The following KCNAB1 variants were observed in gnomAD, a reference collection of about 807,000 sequenced individuals.
The protein encoded by KCNAB1 is voltage-gated potassium channel subunit beta-1.
KCNAB1 carries 35 observed loss-of-function variants against 64.6 expected under a neutral mutation model. The ratio of observed to expected loss-of-function variants is 0.54; its 90% CI spans 0.41 to 0.72. KCNAB1 has a LOEUF of 0.72. Among genes scored for constraint, KCNAB1 ranks in the 30% least tolerant of loss-of-function variants. The probability of loss-of-function intolerance (pLI) is 0.00; values close to 1 mark genes in which losing one functional copy is unlikely to be tolerated. For synonymous variants in KCNAB1, 177 were observed against 183.8 expected, an observed-to-expected ratio of 0.96 and a Z score of 0.30; for missense variants, 401 against 512.9, an observed-to-expected ratio of 0.78 and a Z score of 2.11.
chr3:156,396,879 T>C (rs1713501875), intron 1 of KCNAB1, among the ~76,000 whole-genome samples: 1 of 152,246 alleles, frequency 6.6e-6, no homozygotes, highest in South Asian at 2.1e-4. Context: ...CATAACCAGT[T>C]ACTTCAGTTC....
intron 2 of KCNAB1, 111 bp downstream of exon 2, chr3:156,421,770 C>T: frequency 1.1e-6 from 1 of 873,114 alleles, no homozygotes; most frequent in Non-Finnish European, 1.8e-6. Flanking sequence ...GAGGAGGAGG[C>T]TTCCTGGCCA....
Position 156,218,733 on chromosome 3 carries a change from G to A in KCNAB1, c.275+97847G>A, listed in dbSNP as rs140446275. ...TCACAGGACTCTTTGCAGACACTCC[G>A]CAGTACCAGCCTGGAGTCCCATAGC... On this transcript the variant is annotated intron_variant, in intron 1 of 13. Transcript: ENST00000490337. 9.2e-3 allele frequency among the ~76,000 whole-genome samples: 1,315 copies of A among 142,784 alleles called. 19 individuals carry two copies. Among genetic ancestry groups the A allele is most frequent in the African/African-American group, 0.032 (1,233 of 38,030 alleles). 93.7% of individuals were successfully genotyped at this position (142,784 alleles called of 152,430 possible). A position where few individuals can be genotyped will look rare whatever the true frequency, so the allele number is the denominator to read the frequency against.
At chr3:156,224,066 C>T (rs866836842) in intron 1 of KCNAB1, among the ~76,000 whole-genome samples, 1 of 152,204 alleles carries the variant, frequency 6.6e-6, no homozygotes, top group Non-Finnish European at 1.5e-5. Context: ...AGCCCTGCCC[C>T]GTGGGGAGGC....
chr3:156,499,371 A>T (rs1716225412), intron 8 of KCNAB1, among the ~76,000 whole-genome samples: 1 of 152,176 alleles, frequency 6.6e-6, no homozygotes. Flanking sequence ...TAGGACCCTC[A>T]GTTTTTTAGG....
chr3:156,348,953 A>G (rs1206724083), intron 1 of KCNAB1, among the ~76,000 whole-genome samples: 1 of 152,214 alleles, frequency 6.6e-6, no homozygotes, highest in East Asian at 1.9e-4. Context: ...GTACCTGAAC[A>G]CAGAATGGCT....
chr3:156,170,863 T>G (rs1409716590), intron 1 of KCNAB1, among the ~76,000 whole-genome samples: 1 of 152,220 alleles, frequency 6.6e-6, no homozygotes, highest in Non-Finnish European at 1.5e-5. Context: ...GTGATTGATT[T>G]GGAAATGTTT....
intron 1 of KCNAB1, among the ~76,000 whole-genome samples, chr3:156,265,532 C>T (rs1397466097): frequency 6.6e-6 from 1 of 152,182 alleles, no homozygotes; most frequent in African/African-American, 2.4e-5. Context: ...TTCTCCATAC[C>T]TGAGCCAACA....
rs189114046 is a variant in KCNAB1, at chr3:156,359,351, G to A, written c.276-62265G>A. Among the ~76,000 whole-genome samples the A allele has an allele frequency of 2.6e-5, 4 of 152,228 alleles. No individual in the cohort carries two copies. In the East Asian group the frequency reaches 7.7e-4, roughly 29 times the overall value. On this transcript the variant is annotated intron_variant, in intron 1 of 13. Coordinates refer to ENST00000490337, the MANE Select transcript of KCNAB1 (RefSeq NM_172160.3). ...TAGTCCTCAGTCTGTGGCTCAGAGG[G>A]GACATCAGAGGCCAAACGTCCATGA...
chr3:156,321,337 A>G (rs982877849), intron 1 of KCNAB1, among the ~76,000 whole-genome samples: 2 of 152,206 alleles, frequency 1.3e-5, no homozygotes, highest in Non-Finnish European at 2.9e-5. Flanking sequence ...GCAAAAGCAA[A>G]CACAGAGCCC....
chr3:156,233,838 C>A (rs1716685436), intron 1 of KCNAB1, among the ~76,000 whole-genome samples: 1 of 151,882 alleles, frequency 6.6e-6, no homozygotes, highest in Admixed American at 6.6e-5. Flanking sequence ...GCGTTTGGAA[C>A]CTAACATGCT....
At chr3:156,351,076 A>G (rs1724828566) in intron 1 of KCNAB1, among the ~76,000 whole-genome samples, 1 of 152,288 alleles carries the variant, frequency 6.6e-6, no homozygotes, top group Non-Finnish European at 1.5e-5. Context: ...GGCATCATCC[A>G]GTATGGAAAG....
chr3:156,272,658 G>T (rs1301347489), intron 1 of KCNAB1, among the ~76,000 whole-genome samples: 1 of 151,898 alleles, frequency 6.6e-6, no homozygotes, highest in Admixed American at 6.6e-5. Flanking sequence ...AGGAGCCAAG[G>T]CCTGGAATTA....
At chr3:156,135,724 T>G (rs1714306131) in intron 1 of KCNAB1, among the ~76,000 whole-genome samples, 2 of 152,212 alleles carry the variant, frequency 1.3e-5, no homozygotes, top group Admixed American at 1.3e-4. Flanking sequence ...CTTTTCATGG[T>G]GCCATTCTGC....
chr3:156,133,827 C>T (rs754095205), intron 1 of KCNAB1, among the ~76,000 whole-genome samples: 52 of 152,120 alleles, frequency 3.4e-4, no homozygotes, highest in Non-Finnish European at 5.7e-4. Flanking sequence ...TGTGGGAATG[C>T]GAACCAATGA....
intron 1 of KCNAB1, among the ~76,000 whole-genome samples, chr3:156,130,206 G>A (rs548201726): frequency 8.5e-5 from 13 of 152,258 alleles, no homozygotes; most frequent in African/African-American, 2.6e-4. Context: ...CTATGTGTTC[G>A]CTATTATTTT....
chr3:156,217,887 G>A (rs917629540), intron 1 of KCNAB1: 1 of 152,200 alleles, frequency 6.6e-6, no homozygotes, highest in South Asian at 2.1e-4. Context: ...TAGGAGGCAG[G>A]ACTAGCTTGT....
intron 1 of KCNAB1, among the ~76,000 whole-genome samples, chr3:156,242,063 C>T (rs565041333): frequency 2.6e-5 from 4 of 152,136 alleles, no homozygotes; most frequent in Non-Finnish European, 5.9e-5. Context: ...GGAAGCTTAT[C>T]GAATCTCTTT....
At chr3:156,487,547 T>C (rs1441773272) in intron 8 of KCNAB1, among the ~76,000 whole-genome samples, 1 of 152,144 alleles carries the variant, frequency 6.6e-6, no homozygotes, top group African/African-American at 2.4e-5. Flanking sequence ...TGCTGATAAT[T>C]AAATAAGATA....
chr3:156,312,497 A>C (rs754300188), intron 1 of KCNAB1, among the ~76,000 whole-genome samples: 19 of 152,246 alleles, frequency 1.2e-4, no homozygotes, highest in Non-Finnish European at 2.4e-4. Context: ...GGATCACTTG[A>C]GACCAGGAGT....
Sources: allele counts gnomAD v4.1 joint callset (sites outside exome capture counted in the v4.1 genomes callset), GRCh38; gene constraint gnomAD v4.1.1; transcripts MANE v1.5; gene names NCBI Gene and HGNC (gene_info 2026-07-23, HGNC 2026-07-21).